The following GALNT13 variants were observed in gnomAD, a reference collection of about 807,000 sequenced individuals.
The protein encoded by GALNT13 is UDP-GalNAc:polypeptide N-acetylgalactosaminyltransferase 13.
In GALNT13, 28 loss-of-function variants were observed where a neutral mutation model predicts 64.2. The ratio of observed to expected loss-of-function variants is 0.44; its 90% CI spans 0.32 to 0.60. GALNT13 has a LOEUF of 0.60. Among genes scored for constraint, GALNT13 ranks in the 20% least tolerant of loss-of-function variants. The pLI is 0.05. For missense variants in GALNT13, 577 were observed against 669.8 expected, an observed-to-expected ratio of 0.86 and a Z score of 1.53; for synonymous variants, 214 against 224.6, an observed-to-expected ratio of 0.95 and a Z score of 0.42.
At chr2:153,099,529 C>T in the GALNT13 span, among the ~76,000 whole-genome samples, 2 of 152,000 alleles carry the variant, frequency 1.3e-5, no homozygotes, top group Non-Finnish European at 2.9e-5. Flanking sequence ...ATACATAATG[C>T]ATTTAGAAAG....
the GALNT13 span, among the ~76,000 whole-genome samples, chr2:153,633,134 T>C: frequency 7.8e-4 from 119 of 152,300 alleles, no homozygotes; most frequent in African/African-American, 2.7e-3. Flanking sequence ...TTTATACCTA[T>C]ACAAGGCATC....
At chr2:153,537,704 T>C in the GALNT13 span, among the ~76,000 whole-genome samples, 1 of 152,278 alleles carries the variant, frequency 6.6e-6, no homozygotes, top group Non-Finnish European at 1.5e-5. Flanking sequence ...GTTCTTGTGA[T>C]AGCGAGTGGA....
the GALNT13 span, among the ~76,000 whole-genome samples, chr2:153,087,240 T>C: frequency 6.6e-6 from 1 of 152,196 alleles, no homozygotes; most frequent in East Asian, 1.9e-4. Flanking sequence ...GAGATGATCA[T>C]ATGATTTTTG....
chr2:154,090,362 CTTTTA>C (rs1389617192), intron 3 of GALNT13, among the ~76,000 whole-genome samples: 1 of 151,954 alleles, frequency 6.6e-6, no homozygotes, highest in African/African-American at 2.4e-5. Context: ...AATTAATCAG[CTTTTA>C]TTTTATAATA....
the GALNT13 span, among the ~76,000 whole-genome samples, chr2:153,514,932 C>T: frequency 1.3e-5 from 2 of 152,208 alleles, no homozygotes; most frequent in South Asian, 4.1e-4. Context: ...CCACCCACTC[C>T]TCCCCATCCT....
chr2:153,301,239 G>A, the GALNT13 span, among the ~76,000 whole-genome samples: 2 of 141,656 alleles, frequency 1.4e-5, no homozygotes, highest in Non-Finnish European at 3.0e-5. Context: ...GAACCCGGTA[G>A]ACAGAGGTTA....
At chr2:153,763,570 A>G in the GALNT13 span, among the ~76,000 whole-genome samples, 1 of 152,168 alleles carries the variant, frequency 6.6e-6, no homozygotes, top group Non-Finnish European at 1.5e-5. Flanking sequence ...GCCTTCTGCC[A>G]TGATTGTGAG....
intron 4 of GALNT13, among the ~76,000 whole-genome samples, chr2:154,181,943 G>A (rs765284270): frequency 4.0e-5 from 6 of 150,876 alleles, no homozygotes; most frequent in Admixed American, 6.6e-5. Flanking sequence ...GTTATCATTT[G>A]TCTCTCTTCC....
the GALNT13 span, among the ~76,000 whole-genome samples, chr2:153,228,599 G>T: frequency 6.6e-6 from 1 of 152,080 alleles, no homozygotes; most frequent in Admixed American, 6.5e-5. Flanking sequence ...TAGATACGAG[G>T]CAGGGCACAG....
At chr2:154,225,955 A>G (rs968719775) in intron 4 of GALNT13, among the ~76,000 whole-genome samples, 1 of 152,106 alleles carries the variant, frequency 6.6e-6, no homozygotes, top group African/African-American at 2.4e-5. Flanking sequence ...CTGTAGTTAA[A>G]CAATGTAGGT....
At chr2:154,355,863 G>C (rs1474187669) in intron 9 of GALNT13, among the ~76,000 whole-genome samples, 2 of 152,014 alleles carry the variant, frequency 1.3e-5, no homozygotes, top group Non-Finnish European at 2.9e-5. Context: ...TCTTGTACCA[G>C]TGTACCAAGA....
chr2:153,371,392 G>T, the GALNT13 span, among the ~76,000 whole-genome samples: 4 of 152,008 alleles, frequency 2.6e-5, no homozygotes, highest in African/African-American at 7.2e-5. Context: ...CAAACTATTT[G>T]CATATGACAT....
the GALNT13 span, among the ~76,000 whole-genome samples, chr2:153,382,224 C>A: frequency 6.6e-6 from 1 of 151,860 alleles, no homozygotes; most frequent in South Asian, 2.1e-4. Flanking sequence ...TTTTAACTTT[C>A]ATTTTAGATG....
At chr2:153,785,825 A>G in the GALNT13 span, among the ~76,000 whole-genome samples, 1 of 152,092 alleles carries the variant, frequency 6.6e-6, no homozygotes. Context: ...TTGCTGTTTC[A>G]TAGCCCTAGT....
intron 4 of GALNT13, among the ~76,000 whole-genome samples, chr2:154,189,297 A>C (rs1205294642): frequency 6.6e-6 from 1 of 152,120 alleles, no homozygotes; most frequent in Non-Finnish European, 1.5e-5. Flanking sequence ...CTGAATGTTT[A>C]TGTCCCCAAA....
chr2:153,869,022 G>T (rs1685808143), upstream of GALNT13, among the ~76,000 whole-genome samples: 1 of 152,020 alleles, frequency 6.6e-6, no homozygotes, highest in Non-Finnish European at 1.5e-5. Context: ...TTACTACAAA[G>T]AATTAACACA....
rs576645088 is a variant in GALNT13 at position 154,023,541 on chromosome 2, T to G, written c.142+78902T>G. 2.6e-3 allele frequency among the ~76,000 whole-genome samples: 394 copies of G among 152,320 alleles called. 4 individuals are homozygous for G. The highest frequency in any genetic ancestry group is 8.5e-3 in the African/African-American group (355 of 41,566). On this transcript the variant is annotated intron_variant, in intron 3 of 12. Coordinates refer to ENST00000392825, the MANE Select transcript of GALNT13 (RefSeq NM_052917.4). ...CCCCTGCCTTTTTTTGTTTTCCATT[T>G]GCTTGGTAGATCTTCCTCCATCCTT...
chr2:153,416,566 T>C, the GALNT13 span, among the ~76,000 whole-genome samples: 1 of 152,234 alleles, frequency 6.6e-6, no homozygotes, highest in African/African-American at 2.4e-5. Context: ...CTTTTGTCTA[T>C]CAAAGTTGTG....
At chr2:153,201,385 A>G in the GALNT13 span, among the ~76,000 whole-genome samples, 1 of 152,330 alleles carries the variant, frequency 6.6e-6, no homozygotes, top group South Asian at 2.1e-4. Flanking sequence ...CGGAAAGCTA[A>G]ACAATAGATT....
Sources: allele counts gnomAD v4.1 joint callset (sites outside exome capture counted in the v4.1 genomes callset), GRCh38; gene constraint gnomAD v4.1.1; transcripts MANE v1.5; gene names NCBI Gene and HGNC (gene_info 2026-07-23, HGNC 2026-07-21).